TMEM170B: variants seen among roughly 807,000 people sequenced by gnomAD.
The protein encoded by TMEM170B is transmembrane protein 170B.
Under a neutral mutation model 13.0 loss-of-function variants are expected in TMEM170B, and 6 were observed. That is an observed-to-expected ratio of 0.46 (90% CI 0.25 to 0.91). The LOEUF is 0.91. Ranked by LOEUF, TMEM170B falls within the 40% of genes least tolerant of loss-of-function variation. The pLI is 0.17. For missense variants in TMEM170B, 138 were observed against 165.2 expected (o/e 0.84, Z 0.90); for synonymous variants, 61 against 64.9 (o/e 0.94, Z 0.29).
intron 2 of TMEM170B, among the ~76,000 whole-genome samples, chr6:11,566,497 CCAG>C (rs1454277627): frequency 1.3e-5 from 2 of 152,198 alleles, no homozygotes; most frequent in Admixed American, 1.3e-4. Context: ...ATCCAAGTTA[CCAG>C]CAGCAAATCC....
chr6:11,541,925 C>T (rs546003070), intron 1 of TMEM170B, among the ~76,000 whole-genome samples: 1 of 152,222 alleles, frequency 6.6e-6, no homozygotes, highest in Non-Finnish European at 1.5e-5. Context: ...GCAGTGAGAA[C>T]ACACAAGATT....
chr6:11,540,021 A>G (rs1455493989), intron 1 of TMEM170B, among the ~76,000 whole-genome samples: 1 of 152,246 alleles, frequency 6.6e-6, no homozygotes, highest in Non-Finnish European at 1.5e-5. Context: ...AAAAAAAAGT[A>G]CAGACGTTAA....
In TMEM170B at chr6:11,575,358, C is replaced by G; in HGVS notation, c.269-73C>G. ...ATGTTTTGATGAAATGAAAAGAGCT[C>G]TTAAGGTGCAGCATGCAGTGTGTTA... On this transcript the variant is annotated intron_variant, in intron 2 of 2. Transcript: ENST00000379426. This position sits in a 1 kb window ranked among gnomAD's most constrained non-coding sequence, Gnocchi z 4.1. 6.5e-7 allele frequency: 1 copy of G among 1,547,288 alleles called. No homozygotes were observed. The highest frequency in any genetic ancestry group is 8.8e-7 in the Non-Finnish European group (1 of 1,133,576).
At position 11,538,200 on chromosome 6, in the gene TMEM170B, G is replaced by C. The variant is rs2113757526; in HGVS notation, c.-78G>C. ...GGCGGCCTGGAGGAGCCGCGCACCCGCCGCCGCCCCCCGAGCCTCGCAGCC... is the reference window on the plus strand; with the variant it reads ...GGCGGCCTGGAGGAGCCGCGCACCCCCCGCCGCCCCCCGAGCCTCGCAGCC... On this transcript the variant is annotated 5_prime_UTR_variant, in exon 1 of 3. Coordinates refer to ENST00000379426, the MANE Select transcript of TMEM170B (RefSeq NM_001100829.3). 1.6e-6 allele frequency: 1 copy of C among 622,102 alleles called. No homozygotes were observed. Among genetic ancestry groups the C allele is most frequent in the Admixed American group, 5.3e-5 (1 of 18,782 alleles). The allele number at this position is 622,102 out of a possible 1,614,324, so 38.5% of individuals were successfully genotyped here.
intron 1 of TMEM170B, among the ~76,000 whole-genome samples, chr6:11,549,481 G>A (rs979261939): frequency 1.3e-5 from 2 of 151,964 alleles, no homozygotes; most frequent in African/African-American, 4.8e-5. Flanking sequence ...GGCTAACATG[G>A]TGAAACCCCG....
At chr6:11,565,336 G>A (rs73357857) in intron 1 of TMEM170B, among the ~76,000 whole-genome samples, 1,651 of 152,200 alleles carry the variant, frequency 0.011, 40 homozygotes, top group African/African-American at 0.036. Flanking sequence ...ATTTCAAACA[G>A]TAATTTTATA....
chr6:11,569,349 TTTATTAAAGAAG>T (rs1172165317), intron 2 of TMEM170B, among the ~76,000 whole-genome samples: 2 of 152,162 alleles, frequency 1.3e-5, no homozygotes, highest in Admixed American at 1.3e-4. Context: ...ACTTAAAGAT[TTTATTAAAGAAG>T]TTATCCTCCA....
chr6:11,577,319 A>T lies in TMEM170B; in HGVS notation c.*1758A>T, dbSNP rs756809667. ...ATGGATCTTTGAAGTAAATCTTAAA[A>T]TTGATTATTTTTATTATGTACAGGC... On this transcript the variant is annotated 3_prime_UTR_variant, in exon 3 of 3. Coordinates refer to ENST00000379426, the MANE Select transcript of TMEM170B (RefSeq NM_001100829.3). 1.3e-5 allele frequency: 2 copies of T among 152,124 alleles called. No homozygotes were observed. The highest frequency in any genetic ancestry group is 2.9e-5 in the Non-Finnish European group (2 of 67,962). The allele number at this position is 152,124 out of a possible 1,614,324, so 9.4% of individuals were successfully genotyped here.
At position 11,581,740 on chromosome 6, in the gene TMEM170B, C is replaced by T. The variant is rs1052751066; in HGVS notation, c.*6179C>T. 2 of 152,144 alleles carry T rather than the reference C, an allele frequency of 1.3e-5. No individual in the cohort carries two copies. Among genetic ancestry groups the T allele is most frequent in the Non-Finnish European group, 2.9e-5 (2 of 68,018 alleles). 9.4% of individuals were successfully genotyped at this position (152,144 alleles called of 1,614,324 possible). A position where few individuals can be genotyped will look rare whatever the true frequency, so the allele number is the denominator to read the frequency against. The stretch of plus-strand genomic sequence containing the variant: ...AGCCTTGTTTAAAGGAACGTTAACT[C>T]GAGAGTACTACTGATGATGACGCTT... On this transcript the variant is annotated 3_prime_UTR_variant, in exon 3 of 3. Coordinates refer to ENST00000379426, the MANE Select transcript of TMEM170B (RefSeq NM_001100829.3).
chr6:11,568,198 T>C (rs998817043), intron 2 of TMEM170B, among the ~76,000 whole-genome samples: 9 of 152,212 alleles, frequency 5.9e-5, no homozygotes, highest in Middle Eastern at 3.4e-3. Context: ...AATCTAAACT[T>C]GAGGCCAGGT....
chr6:11,556,471 C>T (rs1019869491), intron 1 of TMEM170B, among the ~76,000 whole-genome samples: 3 of 152,098 alleles, frequency 2.0e-5, no homozygotes, highest in African/African-American at 4.8e-5. Context: ...ACACTAGCCT[C>T]CCCCCAGTGG....
rs1296939297 is a variant in TMEM170B, at chr6:11,579,800, G to C, written c.*4239G>C. 1 of 152,198 alleles carries C rather than the reference G, an allele frequency of 6.6e-6. No individual in the cohort carries two copies. The highest frequency in any genetic ancestry group is 6.5e-5 in the Admixed American group (1 of 15,272). 9.4% of individuals were successfully genotyped at this position (152,198 alleles called of 1,614,324 possible). A position where few individuals can be genotyped will look rare whatever the true frequency, so the allele number is the denominator to read the frequency against. ...ATTCATTCAGCCATGTTGATTTATT[G>C]ACTTTCTGCTATTTGCTAATTATTC... On this transcript the variant is annotated 3_prime_UTR_variant, in exon 3 of 3. Transcript: ENST00000379426.
intron 1 of TMEM170B, 89 bp from the exon 2 acceptor site, chr6:11,565,577 C>T: frequency 1.4e-6 from 2 of 1,414,398 alleles, no homozygotes; most frequent in Admixed American, 3.5e-5. Flanking sequence ...GTCATTTAAC[C>T]TCCCAAACCA....
chr6:11,550,798 T>C lies in TMEM170B; in HGVS notation c.97+12424T>C, dbSNP rs923529895. On this transcript the variant is annotated intron_variant, in intron 1 of 2. Coordinates refer to ENST00000379426, the MANE Select transcript of TMEM170B (RefSeq NM_001100829.3). ...GTGTCTAAGCCATGACTTGAAAAAT[T>C]ACCACTCAACTGCAGTTCAGTTGAG... Among the ~76,000 whole-genome samples the C allele has an allele frequency of 2.6e-5, 4 of 152,286 alleles. No individual in the cohort carries two copies. The East Asian group carries it at 7.7e-4, about 29-fold the overall frequency.
At chr6:11,539,378 A>G (rs1759329408) in intron 1 of TMEM170B, among the ~76,000 whole-genome samples, 1 of 152,358 alleles carries the variant, frequency 6.6e-6, no homozygotes, top group Admixed American at 6.5e-5. Context: ...TTAGTATTTC[A>G]AAATGCATTT....
chr6:11,552,429 C>T (rs1759536948), intron 1 of TMEM170B, among the ~76,000 whole-genome samples: 1 of 151,984 alleles, frequency 6.6e-6, no homozygotes, highest in Non-Finnish European at 1.5e-5. Context: ...TACAGTTATC[C>T]CTGAGTGTCG....
At chr6:11,549,581 T>C (rs1759496172) in intron 1 of TMEM170B, among the ~76,000 whole-genome samples, 1 of 151,350 alleles carries the variant, frequency 6.6e-6, no homozygotes, top group Non-Finnish European at 1.5e-5. Flanking sequence ...GAGAATGGCA[T>C]GAACCCTGGA....
intron 1 of TMEM170B, among the ~76,000 whole-genome samples, chr6:11,561,455 G>C (rs1000282397): frequency 6.6e-6 from 1 of 152,136 alleles, no homozygotes; most frequent in African/African-American, 2.4e-5. Flanking sequence ...ATCTGCTTTT[G>C]CTCTAGTCCT....
intron 1 of TMEM170B, among the ~76,000 whole-genome samples, chr6:11,552,686 C>T (rs1276018701): frequency 1.3e-5 from 2 of 152,134 alleles, no homozygotes; most frequent in Non-Finnish European, 2.9e-5. Flanking sequence ...TGAGTGCATG[C>T]TCAGTGGGTA....
Sources: gnomAD v4.1 joint callset for allele counts (sites outside exome capture counted in the v4.1 genomes callset) on GRCh38, gnomAD v4.1.1 for gene constraint, Gnocchi (gnomAD v3.1) non-coding constraint, MANE v1.5 for transcripts, NCBI Gene and HGNC (gene_info 2026-07-23, HGNC 2026-07-21) for gene names.